The following LRFN5 variants were observed in gnomAD, a reference collection of about 807,000 sequenced individuals.
LRFN5 encodes the protein leucine-rich repeat and fibronectin type-III domain-containing protein 5.
Under a neutral mutation model 45.6 loss-of-function variants are expected in LRFN5, and 24 were observed. That is an observed-to-expected ratio of 0.53 (90% CI 0.38 to 0.74). The LOEUF (loss-of-function observed/expected upper bound fraction) is 0.74, where lower values mean the gene tolerates loss of function less well. Ranked by LOEUF, LRFN5 falls within the 30% of genes least tolerant of loss-of-function variation. The probability of loss-of-function intolerance (pLI) is 0.00; values close to 1 mark genes in which losing one functional copy is unlikely to be tolerated. For missense variants in LRFN5, 776 were observed against 861.5 expected, an observed-to-expected ratio of 0.90 and a Z score of 1.24; for synonymous variants, 340 against 313.8, an observed-to-expected ratio of 1.08 and a Z score of -0.88.
At chr14:41,826,933 T>TTATTTTGATTCACAAAATAAGTAAA (rs1888317946) in intron 2 of LRFN5, among the ~76,000 whole-genome samples, 1 of 152,150 alleles carries the variant, frequency 6.6e-6, no homozygotes, top group Non-Finnish European at 1.5e-5. Flanking sequence ...AAATAAGTAA[T>TTATTTTGATTCACAAAATAAGTAAA]TATTTTGATT....
chr14:41,744,406 AT>A (rs1399793329), intron 1 of LRFN5, among the ~76,000 whole-genome samples: 11 of 152,240 alleles, frequency 7.2e-5, no homozygotes, highest in African/African-American at 2.6e-4. Flanking sequence ...AAATTTAACC[AT>A]TTCAATACAA....
intron 1 of LRFN5, among the ~76,000 whole-genome samples, chr14:41,662,498 C>T (rs1013996808): frequency 2.0e-5 from 3 of 151,796 alleles, no homozygotes; most frequent in African/African-American, 7.3e-5. Flanking sequence ...TTAAATAGTA[C>T]AGATATAAGA....
chr14:41,698,625 C>T (rs544233730), intron 1 of LRFN5, among the ~76,000 whole-genome samples: 2 of 152,084 alleles, frequency 1.3e-5, no homozygotes, highest in Admixed American at 1.3e-4. Flanking sequence ...TGGAAGAGAA[C>T]AAAGCAAAAC....
At chr14:41,695,695 A>G (rs1381713764) in intron 1 of LRFN5, among the ~76,000 whole-genome samples, 2 of 151,966 alleles carry the variant, frequency 1.3e-5, no homozygotes, top group Non-Finnish European at 2.9e-5. Context: ...GAATATTTTA[A>G]GCCCAATATT....
intron 2 of LRFN5, among the ~76,000 whole-genome samples, chr14:41,797,261 G>C (rs1327351374): frequency 2.0e-5 from 3 of 151,152 alleles, no homozygotes; most frequent in African/African-American, 7.3e-5. Context: ...TATTTATTTG[G>C]GTGTTAATTT....
At chr14:41,761,084 T>A (rs1469718281) in intron 1 of LRFN5, among the ~76,000 whole-genome samples, 1 of 151,894 alleles carries the variant, frequency 6.6e-6, no homozygotes, top group Non-Finnish European at 1.5e-5. Flanking sequence ...ATATAAAACA[T>A]TTTTTTTCAG....
At chr14:41,840,574 T>TA (rs1888824925) in intron 2 of LRFN5, among the ~76,000 whole-genome samples, 1 of 152,058 alleles carries the variant, frequency 6.6e-6, no homozygotes, top group South Asian at 2.1e-4. Flanking sequence ...TTGACAATGA[T>TA]AAGAACTCTG....
At chr14:41,729,042 C>T (rs1253485624) in intron 1 of LRFN5, among the ~76,000 whole-genome samples, 1 of 152,134 alleles carries the variant, frequency 6.6e-6, no homozygotes, top group Non-Finnish European at 1.5e-5. Context: ...ACCAAGGTTT[C>T]CAACAATGAG....
rs1321771814 is a variant in LRFN5, at chr14:41,829,086, A to G, written c.-20-57520A>G. On this transcript the variant is annotated intron_variant, in intron 2 of 5. Coordinates refer to ENST00000298119, the MANE Select transcript of LRFN5 (RefSeq NM_152447.5). ...AGAAAACCTTCTTCTTACTTCTCTG[A>G]TGATAAAATCACTCCTAGTTTCACA... Among the ~76,000 whole-genome samples, 4 of 151,864 alleles carry G rather than the reference A, an allele frequency of 2.6e-5. No homozygotes were observed. The East Asian group carries it at 5.8e-4, about 22-fold the overall frequency.
intron 2 of LRFN5, among the ~76,000 whole-genome samples, chr14:41,861,921 T>C (rs1003085454): frequency 1.5e-4 from 23 of 152,146 alleles, no homozygotes; most frequent in African/African-American, 5.5e-4. Flanking sequence ...TCTCAAATCG[T>C]CATCCTCATG....
At chr14:41,680,371 G>A (rs1881831325) in intron 1 of LRFN5, among the ~76,000 whole-genome samples, 1 of 152,174 alleles carries the variant, frequency 6.6e-6, no homozygotes, top group South Asian at 2.1e-4. Flanking sequence ...GGTGGCCAGA[G>A]GGGTGCTTGT....
intron 1 of LRFN5, among the ~76,000 whole-genome samples, chr14:41,744,904 G>T (rs902903956): frequency 1.3e-5 from 2 of 152,058 alleles, no homozygotes; most frequent in African/African-American, 4.8e-5. Context: ...AGTAAAAACT[G>T]ATGGAATTGA....
intron 1 of LRFN5, among the ~76,000 whole-genome samples, chr14:41,720,245 T>C (rs989095296): frequency 1.3e-5 from 2 of 152,138 alleles, no homozygotes; most frequent in Non-Finnish European, 2.9e-5. Flanking sequence ...TCTAGCTCCA[T>C]TCATGTTGCC....
intron 1 of LRFN5, among the ~76,000 whole-genome samples, chr14:41,612,734 A>G (rs1325105982): frequency 6.6e-6 from 1 of 152,120 alleles, no homozygotes; most frequent in African/African-American, 2.4e-5. Flanking sequence ...TGGTATGTGC[A>G]TGGTGAAATT....
chr14:41,631,736 G>A (rs1381557784), intron 1 of LRFN5, among the ~76,000 whole-genome samples: 1 of 152,084 alleles, frequency 6.6e-6, no homozygotes, highest in Non-Finnish European at 1.5e-5. Flanking sequence ...GAAGAACAGA[G>A]CCTGAGAGAG....
chr14:41,700,032 AAAGC>A (rs1263733145), intron 1 of LRFN5: 1 of 152,108 alleles, frequency 6.6e-6, no homozygotes, highest in African/African-American at 2.4e-5. Flanking sequence ...AAAACATTAC[AAAGC>A]CTTTTAAAGC....
intron 1 of LRFN5, among the ~76,000 whole-genome samples, chr14:41,655,056 G>C (rs975446551): frequency 2.0e-5 from 3 of 151,978 alleles, no homozygotes; most frequent in African/African-American, 7.2e-5. Flanking sequence ...TACCTTGTTT[G>C]GGTTGTTAAT....
intron 2 of LRFN5, among the ~76,000 whole-genome samples, chr14:41,775,531 A>G (rs1363303369): frequency 1.3e-5 from 2 of 152,278 alleles, no homozygotes; most frequent in East Asian, 1.9e-4. Flanking sequence ...TCAAGCTTTC[A>G]CATACTGTTT....
intron 2 of LRFN5, among the ~76,000 whole-genome samples, chr14:41,820,717 C>G (rs1291761846): frequency 6.6e-6 from 1 of 151,870 alleles, no homozygotes; most frequent in Non-Finnish European, 1.5e-5. Context: ...TTAGCATATT[C>G]ATCTTAACAA....
Sources: allele counts gnomAD v4.1 joint callset (sites outside exome capture counted in the v4.1 genomes callset), GRCh38; gene constraint gnomAD v4.1.1; transcripts MANE v1.5; gene names NCBI Gene and HGNC (gene_info 2026-07-23, HGNC 2026-07-21).